CAMTA1: variants seen among roughly 807,000 people sequenced by gnomAD.
The protein encoded by CAMTA1 is calmodulin-binding transcription activator 1.
In CAMTA1, 27 loss-of-function variants were observed where a neutral mutation model predicts 170.9. The observed-to-expected ratio is 0.16, with a 90% confidence interval of 0.12 to 0.22. The LOEUF is 0.22. CAMTA1 is among the 10% of genes least tolerant of loss of function. The pLI, the probability that CAMTA1 is intolerant of heterozygous loss-of-function variation, is 1.00. For synonymous variants in CAMTA1, 833 were observed against 891.5 expected (o/e 0.93, Z 1.17); for missense variants, 1,619 against 2,217.2 (o/e 0.73, Z 5.42).
intron 3 of CAMTA1, among the ~76,000 whole-genome samples, chr1:6,908,915 C>T (rs1378210228): frequency 6.6e-6 from 1 of 152,228 alleles, no homozygotes; most frequent in Non-Finnish European, 1.5e-5. Context: ...CAGAATCACA[C>T]ATGAGTATTG....
chr1:7,215,663 G>A (rs1439739047), intron 4 of CAMTA1, among the ~76,000 whole-genome samples: 2 of 152,162 alleles, frequency 1.3e-5, no homozygotes, highest in African/African-American at 4.8e-5. Flanking sequence ...CAAAGTGCTG[G>A]GATTACAGGT....
At chr1:6,828,682 G>A (rs1157084152) in intron 3 of CAMTA1, among the ~76,000 whole-genome samples, 1 of 151,984 alleles carries the variant, frequency 6.6e-6, no homozygotes, top group African/African-American at 2.4e-5. Context: ...TGCAAGGTGG[G>A]TAACATTTCC....
intron 5 of CAMTA1, among the ~76,000 whole-genome samples, chr1:7,318,651 T>G (rs1235666284): frequency 1.3e-5 from 2 of 152,214 alleles, no homozygotes; most frequent in African/African-American, 4.8e-5. Context: ...AGAGGATGGT[T>G]GGGTTCCTCA....
chr1:6,893,256 A>G (rs956600542), intron 3 of CAMTA1, among the ~76,000 whole-genome samples: 3 of 152,060 alleles, frequency 2.0e-5, no homozygotes, highest in Admixed American at 2.0e-4. Context: ...GCAAGACTCC[A>G]TCTCGAGGAA....
chr1:6,892,750 A>T (rs1323441836), intron 3 of CAMTA1, among the ~76,000 whole-genome samples: 1 of 151,936 alleles, frequency 6.6e-6, no homozygotes, highest in African/African-American at 2.4e-5. Context: ...ACAGCATCTC[A>T]GGTAACTTTT....
intron 3 of CAMTA1, among the ~76,000 whole-genome samples, chr1:6,891,629 A>G (rs563347701): frequency 1.3e-5 from 2 of 152,330 alleles, no homozygotes; most frequent in South Asian, 2.1e-4. Flanking sequence ...TTCTCAAGCA[A>G]TTACAATTTA....
At chr1:6,835,260 G>C (rs1652490517) in intron 3 of CAMTA1, among the ~76,000 whole-genome samples, 1 of 152,182 alleles carries the variant, frequency 6.6e-6, no homozygotes, top group South Asian at 2.1e-4. Context: ...TTCTAAGTTG[G>C]ATGAAGAGCA....
intron 4 of CAMTA1, among the ~76,000 whole-genome samples, chr1:7,120,442 A>T (rs527269871): frequency 6.6e-6 from 1 of 152,302 alleles, no homozygotes; most frequent in Non-Finnish European, 1.5e-5. Context: ...TAGTTCCTGG[A>T]CATGTGGGCC....
chr1:7,033,588 CT>C (rs34282545), intron 3 of CAMTA1, among the ~76,000 whole-genome samples: 25,045 of 94,068 alleles, frequency 0.27, 1,998 homozygotes, highest in East Asian at 0.43. Flanking sequence ...TGTAAATATT[CT>C]TTTTTTTTTT....
At chr1:7,013,194 G>A (rs574384310) in intron 3 of CAMTA1, among the ~76,000 whole-genome samples, 44 of 138,116 alleles carry the variant, frequency 3.2e-4, no homozygotes, top group African/African-American at 1.0e-3. Flanking sequence ...TCCAGGCCCT[G>A]CCTTTGCCCT....
At chr1:6,957,850 G>A (rs1689724014) in intron 3 of CAMTA1, among the ~76,000 whole-genome samples, 2 of 152,194 alleles carry the variant, frequency 1.3e-5, no homozygotes, top group African/African-American at 2.4e-5. Flanking sequence ...TGGAGAGTAG[G>A]GCTTTGAGCC....
chr1:7,739,082 T>C (rs966827971), intron 16 of CAMTA1, among the ~76,000 whole-genome samples: 1 of 152,134 alleles, frequency 6.6e-6, no homozygotes, highest in Admixed American at 6.5e-5. Flanking sequence ...CAAAATAAAC[T>C]TGACATTAGG....
chr1:7,407,245 T>C (rs7537181), intron 5 of CAMTA1, among the ~76,000 whole-genome samples: 67,653 of 152,094 alleles, frequency 0.44, 15,759 homozygotes, highest in Middle Eastern at 0.7. Context: ...AAGAACTGAC[T>C]TGGGGGGCTC....
intron 6 of CAMTA1, among the ~76,000 whole-genome samples, chr1:7,549,099 C>A (rs137894404): frequency 1.2e-3 from 170 of 141,784 alleles, no homozygotes; most frequent in Middle Eastern, 4.5e-3. Context: ...GGTGGAGGTG[C>A]CCTTGCAGGG....
intron 11 of CAMTA1, among the ~76,000 whole-genome samples, chr1:7,706,588 ATTTG>A (rs902916873): frequency 9.2e-5 from 14 of 152,322 alleles, no homozygotes; most frequent in African/African-American, 2.6e-4. Flanking sequence ...TAGCAAATAA[ATTTG>A]TTTCTCTTTT....
At chr1:6,792,346 T>G (rs1284044704) in intron 1 of CAMTA1, among the ~76,000 whole-genome samples, 1 of 151,770 alleles carries the variant, frequency 6.6e-6, no homozygotes, top group Non-Finnish European at 1.5e-5. Flanking sequence ...TTTTGGGTTT[T>G]TTTTTTTTTT....
intron 4 of CAMTA1, among the ~76,000 whole-genome samples, chr1:7,112,216 C>T (rs1053591024): frequency 3.9e-5 from 6 of 152,198 alleles, no homozygotes; most frequent in African/African-American, 1.4e-4. Flanking sequence ...GGTCACCTCT[C>T]ACATTGGGCT....
At chr1:7,082,950 T>C (rs573716586) in intron 3 of CAMTA1, among the ~76,000 whole-genome samples, 11 of 152,362 alleles carry the variant, frequency 7.2e-5, no homozygotes, top group Middle Eastern at 3.4e-3. Flanking sequence ...CCGTTACTCA[T>C]GTGTCTTTGT....
chr1:7,058,572 C>T (rs1035584415), intron 3 of CAMTA1, among the ~76,000 whole-genome samples: 1 of 152,068 alleles, frequency 6.6e-6, no homozygotes, highest in African/African-American at 2.4e-5. Flanking sequence ...AAAGAATGAA[C>T]AAGTGATGTT....
Sources: gnomAD v4.1 joint callset for allele counts (sites outside exome capture counted in the v4.1 genomes callset) on GRCh38, gnomAD v4.1.1 for gene constraint, MANE v1.5 for transcripts, NCBI Gene and HGNC (gene_info 2026-07-23, HGNC 2026-07-21) for gene names.